FBXO34: variants seen among roughly 807,000 people sequenced by gnomAD.
The protein encoded by FBXO34 is F-box only protein 34.
In FBXO34, 12 loss-of-function variants were observed where a neutral mutation model predicts 24.5. The observed-to-expected ratio is 0.49, with a 90% confidence interval of 0.31 to 0.79. The LOEUF (loss-of-function observed/expected upper bound fraction) is 0.79, where lower values mean the gene tolerates loss of function less well. Ranked by LOEUF, FBXO34 falls within the 30% of genes least tolerant of loss-of-function variation. FBXO34 has a pLI of 0.04. For synonymous variants in FBXO34, 320 were observed against 311.9 expected (o/e 1.03, Z -0.27); for missense variants, 823 against 857.7 (o/e 0.96, Z 0.51).
chr14:55,318,394 A>G (rs1217767767), intron 1 of FBXO34: 1 of 1,770 alleles, frequency 5.6e-4, no homozygotes, highest in Non-Finnish European at 1.0e-3. Flanking sequence ...ATATATATAT[A>G]TATATATATA....
At chr14:55,414,913 TAA>T in the FBXO34 span, among the ~76,000 whole-genome samples, 2 of 152,222 alleles carry the variant, frequency 1.3e-5, no homozygotes, top group South Asian at 4.1e-4. Context: ...ATTCTAAATT[TAA>T]AAGAGTTTTA....
At chr14:55,410,125 G>A in the FBXO34 span, among the ~76,000 whole-genome samples, 1 of 152,156 alleles carries the variant, frequency 6.6e-6, no homozygotes, top group African/African-American at 2.4e-5. Context: ...GACATTTACT[G>A]GGTTGGGATG....
downstream of FBXO34, chr14:55,366,557 C>G (rs1566574288): frequency 6.6e-6 from 1 of 152,492 alleles, no homozygotes; most frequent in Non-Finnish European, 1.5e-5. Flanking sequence ...ATGCTCTTCC[C>G]CAAATTGAGT....
At chr14:55,432,096 A>AAATTTGTT in the FBXO34 span, among the ~76,000 whole-genome samples, 1 of 152,158 alleles carries the variant, frequency 6.6e-6, no homozygotes, top group African/African-American at 2.4e-5. Flanking sequence ...ATACCCTTCA[A>AAATTTGTT]AATTTGTGTT....
At chr14:55,289,432 T>A (rs887914068) in intron 1 of FBXO34, among the ~76,000 whole-genome samples, 4 of 152,212 alleles carry the variant, frequency 2.6e-5, no homozygotes, top group Non-Finnish European at 5.9e-5. Flanking sequence ...TTCCTTCCCC[T>A]GTCTCTTGGG....
chr14:55,356,312 C>T (rs965905613), downstream of FBXO34, among the ~76,000 whole-genome samples: 5 of 152,200 alleles, frequency 3.3e-5, no homozygotes, highest in Admixed American at 6.5e-5. Flanking sequence ...CTGCACACTG[C>T]GAGCCCTTCT....
At position 55,293,452 on chromosome 14, in the gene FBXO34, G is replaced by T. The variant is rs144876749; in HGVS notation, c.-11+21915G>T. Among the ~76,000 whole-genome samples the T allele has an allele frequency of 3.1e-4, 47 of 152,282 alleles. 1 individual carries two copies. In the East Asian group the frequency reaches 8.5e-3, roughly 28 times the overall value. On this transcript the variant is annotated intron_variant, in intron 1 of 1. Coordinates refer to ENST00000313833, the MANE Select transcript of FBXO34 (RefSeq NM_017943.4). ...CCTACCTTGGCCTCCCAAAGCACTG[G>T]GATTACAGGCATAAGCCACTGTACC...
the FBXO34 span, among the ~76,000 whole-genome samples, chr14:55,394,710 G>T: frequency 6.6e-6 from 1 of 152,184 alleles, no homozygotes; most frequent in South Asian, 2.1e-4. Context: ...TTAGGAAACA[G>T]TTCTACTAAA....
chr14:55,379,187 T>C, the FBXO34 span, among the ~76,000 whole-genome samples: 2 of 152,228 alleles, frequency 1.3e-5, no homozygotes, highest in Admixed American at 6.5e-5. Context: ...TTCATAAATA[T>C]GTGTTACATA....
At chr14:55,425,225 C>A in the FBXO34 span, among the ~76,000 whole-genome samples, 1 of 152,122 alleles carries the variant, frequency 6.6e-6, no homozygotes, top group Non-Finnish European at 1.5e-5. Context: ...TCTGGAACAT[C>A]ACTCTGTCTT....
chr14:55,383,907 G>A, the FBXO34 span, among the ~76,000 whole-genome samples: 1 of 152,232 alleles, frequency 6.6e-6, no homozygotes, highest in Non-Finnish European at 1.5e-5. Flanking sequence ...ACAGTACTGG[G>A]AAAGCAGGTA....
intron 1 of FBXO34, chr14:55,272,053 C>T (rs1010733003): frequency 1.3e-5 from 2 of 152,292 alleles, no homozygotes; most frequent in African/African-American, 4.8e-5. Flanking sequence ...GCCTCCCCAG[C>T]CTCTGGGCTG....
the FBXO34 span, among the ~76,000 whole-genome samples, chr14:55,398,706 G>A: frequency 3.3e-5 from 5 of 152,030 alleles, no homozygotes; most frequent in Admixed American, 6.6e-5. Flanking sequence ...AAAGTTCCAC[G>A]CGTACTTGAA....
the FBXO34 span, chr14:55,414,252 A>G: frequency 5.8e-6 from 4 of 693,856 alleles, no homozygotes; most frequent in South Asian, 4.1e-5. Flanking sequence ...TTACTTACAC[A>G]GAGTCGCCCT....
chr14:55,305,322 G>A (rs1198213786), intron 1 of FBXO34, among the ~76,000 whole-genome samples: 1 of 150,626 alleles, frequency 6.6e-6, no homozygotes, highest in Non-Finnish European at 1.5e-5. Context: ...TGAGGCAGGG[G>A]AATAATCACT....
At chr14:55,385,941 G>T in the FBXO34 span, 2 of 1,614,126 alleles carry the variant, frequency 1.2e-6, no homozygotes, top group Admixed American at 1.7e-5. Flanking sequence ...TTTGCCAGAC[G>T]CTCATAATGA....
chr14:55,327,199 C>T (rs1787715873), intron 1 of FBXO34, among the ~76,000 whole-genome samples: 1 of 152,114 alleles, frequency 6.6e-6, no homozygotes, highest in South Asian at 2.1e-4. Context: ...CAGAGGGAAC[C>T]ACAACATGTA....
At chr14:55,388,986 C>T in the FBXO34 span, among the ~76,000 whole-genome samples, 8,841 of 152,046 alleles carry the variant, frequency 0.058, 325 homozygotes, top group South Asian at 0.09. Flanking sequence ...ATTGCCATCA[C>T]GTTCAAGCAT....
chr14:55,378,675 C>T, the FBXO34 span, among the ~76,000 whole-genome samples: 1 of 151,978 alleles, frequency 6.6e-6, no homozygotes, highest in African/African-American at 2.4e-5. Context: ...ACAGCAAGCC[C>T]CTCTCTCACC....
Sources: allele counts gnomAD v4.1 joint callset (sites outside exome capture counted in the v4.1 genomes callset), GRCh38; gene constraint gnomAD v4.1.1; transcripts MANE v1.5; gene names NCBI Gene and HGNC (gene_info 2026-07-23, HGNC 2026-07-21).